The following EFCAB8 variants were observed in gnomAD, a reference collection of about 807,000 sequenced individuals.
EFCAB8 encodes the protein EF-hand calcium binding domain 8.
EFCAB8 carries 100 observed loss-of-function variants against 116.3 expected under a neutral mutation model. That is an observed-to-expected ratio of 0.86 (90% CI 0.73 to 1.02). The LOEUF is 1.02. Among genes scored for constraint, EFCAB8 ranks in the 50% least tolerant of loss-of-function variants. EFCAB8 has a pLI of 0.00. For synonymous variants in EFCAB8, 558 were observed against 567.9 expected (o/e 0.98, Z 0.25); for missense variants, 1,320 against 1,416.9 (o/e 0.93, Z 1.10).
chr20:32,961,339 A>G lies in EFCAB8; in HGVS notation c.3597A>G (p.Pro1199=), dbSNP rs2146310209. The change falls in exon 27 of 27, where the codon CCA becomes CCG. Residue 1199 remains proline (P), a synonymous_variant. Transcript: ENST00000400522. ...TDSTPAAASS[P]SSLLSVTASA... is the part of the protein sequence containing the mutation. ...GCACGCCTGCGGCCGCCTCCTCCCC[A>G]TCTTCCTTGTTATCTGTCACTGCCT... is the stretch of plus-strand genomic sequence containing the variant. 1 of 1,481,198 alleles carries G rather than the reference A, an allele frequency of 6.8e-7. No individual in the cohort carries two copies. Among genetic ancestry groups the G allele is most frequent in the African/African-American group, 1.4e-5 (1 of 70,534 alleles). 91.8% of individuals were successfully genotyped at this position (1,481,198 alleles called of 1,614,324 possible). A position where few individuals can be genotyped will look rare whatever the true frequency, so the allele number is the denominator to read the frequency against.
rs182563025 is a variant in EFCAB8 at position 32,888,331 on chromosome 20, T to A, written c.568-970T>A. Among the ~76,000 whole-genome samples the A allele has an allele frequency of 4.1e-3, 618 of 152,266 alleles. 5 individuals carry two copies. The highest frequency in any genetic ancestry group is 0.014 in the African/African-American group (599 of 41,546). ...GCCTCTGCCTCCCGGGTTCAGGTGA[T>A]TCTTCTGCCTCAGCCTCCCGAGTAG... On this transcript the variant is annotated intron_variant, in intron 6 of 26. Coordinates refer to ENST00000400522, the MANE Select transcript of EFCAB8 (RefSeq NM_001143967.2).
At chr20:32,945,806 A>G (rs1428256043) in intron 23 of EFCAB8, among the ~76,000 whole-genome samples, 1 of 152,172 alleles carries the variant, frequency 6.6e-6, no homozygotes, top group Non-Finnish European at 1.5e-5. Context: ...TTTTGTGGAT[A>G]CTTTCACCAG....
rs757123407 is a variant in EFCAB8, at chr20:32,912,800, G to A, written c.1792G>A (p.Gly598Arg). ...FPSPEQLEIS[G>R]IIHMNKVFYV... ...TTTCTTTCATCTTCAACAGATTAGTGGGATTATCCATATGAACAAAGTGTT... is the reference window on the plus strand; with the variant it reads ...TTTCTTTCATCTTCAACAGATTAGTAGGATTATCCATATGAACAAAGTGTT... The change falls in exon 17 of 27, where the codon GGG becomes AGG. Residue 598 changes from glycine to arginine, a missense_variant. Physicochemically the swap from Gly to Arg is moderately radical, Grantham distance 125. Coordinates refer to ENST00000400522, the MANE Select transcript of EFCAB8 (RefSeq NM_001143967.2). 3 of 718,756 alleles carry A rather than the reference G, an allele frequency of 4.2e-6. No homozygotes were observed. Among genetic ancestry groups the A allele is most frequent in the Non-Finnish European group, 7.8e-6 (3 of 385,150 alleles). 44.5% of individuals were successfully genotyped at this position (718,756 alleles called of 1,614,324 possible).
intron 20 of EFCAB8, among the ~76,000 whole-genome samples, chr20:32,926,907 T>C (rs6088041): frequency 0.042 from 6,247 of 149,666 alleles, 171 homozygotes; most frequent in Non-Finnish European, 0.065. Flanking sequence ...ATCCAGTCTA[T>C]CATTGTTGGA....
chr20:32,949,288 T>G (rs776536973), intron 23 of EFCAB8, among the ~76,000 whole-genome samples: 4 of 152,206 alleles, frequency 2.6e-5, no homozygotes, highest in Non-Finnish European at 4.4e-5. Flanking sequence ...AGACAAAGTA[T>G]AGAAGATTTA....
chr20:32,866,786 T>C (rs970025332), intron 2 of EFCAB8, among the ~76,000 whole-genome samples: 4 of 143,064 alleles, frequency 2.8e-5, no homozygotes, highest in African/African-American at 1.1e-4. Context: ...CTTTCTTCCT[T>C]CCTTCCTTCC....
chr20:32,921,416 A>G (rs11696188), intron 20 of EFCAB8, among the ~76,000 whole-genome samples: 5,293 of 150,108 alleles, frequency 0.035, 124 homozygotes, highest in Non-Finnish European at 0.055. Context: ...GGGTCTCACT[A>G]TGCTGCCCAT....
chr20:32,914,458 C>G (rs1306918775), intron 17 of EFCAB8, among the ~76,000 whole-genome samples: 1 of 152,158 alleles, frequency 6.6e-6, no homozygotes, highest in Non-Finnish European at 1.5e-5. Flanking sequence ...TTGGCTATGT[C>G]TTTAATGATT....
At chr20:32,928,457 G>A (rs753366985) in intron 20 of EFCAB8, among the ~76,000 whole-genome samples, 1 of 151,878 alleles carries the variant, frequency 6.6e-6, no homozygotes, top group South Asian at 2.1e-4. Flanking sequence ...GGCTGGTCTC[G>A]AACTCTTGAC....
At chr20:32,923,451 A>C (rs1036373371) in intron 20 of EFCAB8, among the ~76,000 whole-genome samples, 19 of 152,000 alleles carry the variant, frequency 1.3e-4, no homozygotes, top group African/African-American at 4.4e-4. Context: ...GTGCCACTGC[A>C]CTCCAGCCTG....
At position 32,885,553 on chromosome 20, in the gene EFCAB8, C is replaced by G; in HGVS notation, c.480C>G (p.Phe160Leu). ...VVKVVFLIHR[F>L]KKIGCFLTVT... ...AGGTGGTGTTTTTAATCCACCGGTT[C>G]AAGAAGATCGGGTGTTTCCTGACTG... The change falls in exon 6 of 27, where the codon TTC (phenylalanine) becomes TTG (leucine). Residue 160 changes from phenylalanine to leucine, a missense_variant. Physicochemically the swap from Phe to Leu is conservative, Grantham distance 22. Transcript: ENST00000400522. 2 of 1,551,756 alleles carry G rather than the reference C, an allele frequency of 1.3e-6. No homozygotes were observed. The highest frequency in any genetic ancestry group is 1.7e-6 in the Non-Finnish European group (2 of 1,147,000).
In EFCAB8 at chr20:32,908,202, C is replaced by T. The variant is rs147433971; in HGVS notation, c.1309-73C>T. On this transcript the variant is annotated intron_variant, in intron 13 of 26. Coordinates refer to ENST00000400522, the MANE Select transcript of EFCAB8 (RefSeq NM_001143967.2). ...GCCCTGGCCTTGTTCGCCGGAGGCA[C>T]CCCCGAGGCTTCAGGAGCCGGCTAC... is the stretch of plus-strand genomic sequence containing the variant. 355 of 1,240,840 alleles carry T rather than the reference C, an allele frequency of 2.9e-4. 1 individual carries two copies. The African/African-American group carries it at 4.9e-3, about 17-fold the overall frequency. The allele number at this position is 1,240,840 out of a possible 1,614,324, so 76.9% of individuals were successfully genotyped here.
chr20:32,906,461 G>A lies in EFCAB8; in HGVS notation c.1089-101G>A, dbSNP rs1236165572. 5.5e-5 allele frequency: 38 copies of A among 695,796 alleles called. No individual in the cohort carries two copies. In the East Asian group the frequency reaches 1.0e-3, roughly 18 times the overall value. 43.1% of individuals were successfully genotyped at this position (695,796 alleles called of 1,614,324 possible). On this transcript the variant is annotated intron_variant, in intron 11 of 26. Transcript: ENST00000400522. ...AGTGACTCCTCCCTAGGCCTCCTGG[G>A]AGGCTCTGCCTCTAGCTCCTCCCAC...
chr20:32,934,432 T>C (rs914733069), intron 22 of EFCAB8, among the ~76,000 whole-genome samples: 4 of 152,216 alleles, frequency 2.6e-5, no homozygotes, highest in African/African-American at 9.6e-5. Context: ...AGGTATTTCT[T>C]TGACATATTG....
intron 17 of EFCAB8, among the ~76,000 whole-genome samples, chr20:32,916,904 A>G (rs1040593923): frequency 7.2e-5 from 11 of 151,968 alleles, no homozygotes; most frequent in East Asian, 1.9e-4. Context: ...GTGAGAAGGA[A>G]GGGTCTCTGT....
intron 3 of EFCAB8, among the ~76,000 whole-genome samples, chr20:32,871,972 G>T (rs190575829): frequency 4.5e-4 from 69 of 152,294 alleles, no homozygotes; most frequent in African/African-American, 1.6e-3. Flanking sequence ...AGGGCTCATG[G>T]CCTGCCCCCT....
At position 32,889,303 on chromosome 20, in the gene EFCAB8, T is replaced by G; in HGVS notation, c.570T>G (p.Leu190=). The change falls in exon 7 of 27, where the codon CTT becomes CTG. Residue 190 remains leucine, a splice_region_variant and synonymous_variant. Coordinates refer to ENST00000400522, the MANE Select transcript of EFCAB8 (RefSeq NM_001143967.2). ...TCCTCTGCTCTTCCTCTGGCCAGCT[T>G]AACCAGACCCAGCAGCTCTACAACC... ...ESFSLMSSFR[L]NQTQQLYNQP... is the part of the protein sequence containing the mutation. 1 of 1,551,564 alleles carries G rather than the reference T, an allele frequency of 6.4e-7. No individual in the cohort carries two copies. Among genetic ancestry groups the G allele is most frequent in the Non-Finnish European group, 8.7e-7 (1 of 1,146,954 alleles).
intron 22 of EFCAB8, among the ~76,000 whole-genome samples, chr20:32,932,313 G>T (rs1312164700): frequency 6.6e-6 from 1 of 151,998 alleles, no homozygotes; most frequent in Non-Finnish European, 1.5e-5. Context: ...GGAGGTGGAG[G>T]TTGCAGTGAG....
At chr20:32,912,970 G>A in intron 17 of EFCAB8, 106 bp downstream of exon 17, 3 of 654,676 alleles carry the variant, frequency 4.6e-6, no homozygotes, top group Non-Finnish European at 8.4e-6. Flanking sequence ...CACCATGCAG[G>A]AAGTTAGTGG....
Sources: gnomAD v4.1 joint callset for allele counts (sites outside exome capture counted in the v4.1 genomes callset) on GRCh38, gnomAD v4.1.1 for gene constraint, MANE v1.5 for transcripts, NCBI Gene and HGNC (gene_info 2026-07-23, HGNC 2026-07-21) for gene names.